SERPINE2: variants seen among roughly 807,000 people sequenced by gnomAD.
The protein encoded by SERPINE2 is serpin family E member 2.
Under a neutral mutation model 36.3 loss-of-function variants are expected in SERPINE2, and 14 were observed. The observed-to-expected ratio is 0.39, with a 90% CI of 0.25 to 0.60. The LOEUF (loss-of-function observed/expected upper bound fraction) is 0.60, where lower values mean the gene tolerates loss of function less well. SERPINE2 is among the 20% of genes least tolerant of loss of function. The probability of loss-of-function intolerance (pLI) is 0.57; values close to 1 mark genes in which losing one functional copy is unlikely to be tolerated. For missense variants in SERPINE2, 418 were observed against 499.6 expected (o/e 0.84, Z 1.56); for synonymous variants, 192 against 191.8 (o/e 1.00, Z -0.01).
At chr2:223,986,471 A>C (rs1446226708) in intron 4 of SERPINE2, among the ~76,000 whole-genome samples, 4 of 152,116 alleles carry the variant, frequency 2.6e-5, no homozygotes. Context: ...CTCAGCAGAA[A>C]CGGAAAAATC....
At chr2:223,976,462 T>A (rs911504635) in intron 8 of SERPINE2, among the ~76,000 whole-genome samples, 1 of 152,230 alleles carries the variant, frequency 6.6e-6, no homozygotes, top group Non-Finnish European at 1.5e-5. Flanking sequence ...AGAAATTGAA[T>A]TTTTAAAGTT....
intron 3 of SERPINE2, among the ~76,000 whole-genome samples, chr2:223,992,873 A>G (rs1466434143): frequency 6.6e-6 from 1 of 152,188 alleles, no homozygotes; most frequent in Non-Finnish European, 1.5e-5. Flanking sequence ...GCACTTTGGG[A>G]GGCCGAGGAG....
chr2:223,999,136 A>G (rs1691006917), intron 2 of SERPINE2, among the ~76,000 whole-genome samples: 1 of 152,220 alleles, frequency 6.6e-6, no homozygotes, highest in African/African-American at 2.4e-5. Flanking sequence ...TAAGCATTAG[A>G]AAGACTATAA....
Position 224,011,439 on chromosome 2 carries a change from C to A in SERPINE2, c.-22-9517G>T, listed in dbSNP as rs138754971. ...TAAACATGTCAATAAAATCCAAATT[C>A]TTTTTATCAGTACCTAGATACATTT... On this transcript the variant is annotated intron_variant, in intron 1 of 8. Coordinates refer to ENST00000409304, the MANE Select transcript of SERPINE2 (RefSeq NM_001136528.2). 5.6e-3 allele frequency among the ~76,000 whole-genome samples: 857 copies of A among 152,168 alleles called. 9 individuals carry two copies. Among genetic ancestry groups the A allele is most frequent in the African/African-American group, 0.019 (802 of 41,528 alleles).
intron 1 of SERPINE2, among the ~76,000 whole-genome samples, chr2:224,016,506 CAAAAA>C (rs34770432): frequency 1.4e-5 from 2 of 139,550 alleles, no homozygotes; most frequent in Admixed American, 7.1e-5. Flanking sequence ...AAGTCCGTCT[CAAAAA>C]AAAAAAAAAA....
At chr2:223,976,589 T>A (rs933820171) in intron 8 of SERPINE2, among the ~76,000 whole-genome samples, 3 of 152,268 alleles carry the variant, frequency 2.0e-5, no homozygotes, top group African/African-American at 7.2e-5. Flanking sequence ...TATCTCATAT[T>A]ACTGATTAAA....
rs1248930736 is a variant in SERPINE2 at position 224,031,467 on chromosome 2, TA to T, written c.-23+7631del. The T allele has an allele frequency of 3.0e-6, 3 of 985,444 alleles. No individual in the cohort carries two copies. In the African/African-American group the frequency reaches 5.2e-5, roughly 17 times the overall value. The allele number at this position is 985,444 out of a possible 1,614,324, so 61.0% of individuals were successfully genotyped here. On this transcript the variant is annotated intron_variant, in intron 1 of 8. Coordinates refer to ENST00000409304, the MANE Select transcript of SERPINE2 (RefSeq NM_001136528.2). The stretch of plus-strand genomic sequence containing the variant: ...CGGTCCTCTCCACTCCCTTTCCTCC[TA>T]ACCAAGGATTGACCATGTGATTTGG...
intron 1 of SERPINE2, among the ~76,000 whole-genome samples, chr2:224,022,714 G>A (rs2396037): frequency 0.94 from 143,763 of 152,174 alleles, 68,260 homozygotes; most frequent in Non-Finnish European, 0.99. Context: ...TATGACATGG[G>A]CCATTAACTT....
intron 2 of SERPINE2, among the ~76,000 whole-genome samples, chr2:223,999,197 A>G (rs1320800972): frequency 2.0e-5 from 3 of 152,326 alleles, no homozygotes; most frequent in East Asian, 3.9e-4. Flanking sequence ...ACTTGGTAAC[A>G]AGCTCAAAGA....
Position 223,991,963 on chromosome 2 carries a change from A to G in SERPINE2, c.525T>C (p.Asp175=), listed in dbSNP as rs1174520628. 10 of 1,613,886 alleles carry G rather than the reference A, an allele frequency of 6.2e-6. No individual in the cohort carries two copies. Among genetic ancestry groups the G allele is most frequent in the African/African-American group, 2.7e-5 (2 of 74,934 alleles). ...IDNLLSPDLI[D]GVLTRLVLVN... is the part of the protein sequence containing the mutation. ...CGAGGACCAGTCTGGTGAGCACACC[A>G]TCAATAAGATCTGGGGACAGCAGAT... The change falls in exon 4 of 9, where the codon GAT becomes GAC. Residue 175 remains aspartate (D), a synonymous_variant. Coordinates refer to ENST00000409304, the MANE Select transcript of SERPINE2 (RefSeq NM_001136528.2).
At chr2:224,037,131 C>T (rs1020128166) in intron 1 of SERPINE2, among the ~76,000 whole-genome samples, 4 of 152,184 alleles carry the variant, frequency 2.6e-5, no homozygotes, top group African/African-American at 9.7e-5. Context: ...CTCTATTTAC[C>T]ACCTATGAGT....
intron 5 of SERPINE2, 146 bp from the exon 6 acceptor site, chr2:223,982,927 T>A: frequency 1.7e-6 from 1 of 589,654 alleles, no homozygotes; most frequent in Non-Finnish European, 2.9e-6. Flanking sequence ...ATTCCAAATT[T>A]AAATACCAGA....
At chr2:224,031,822 G>A (rs910714647) in intron 1 of SERPINE2, among the ~76,000 whole-genome samples, 5 of 145,570 alleles carry the variant, frequency 3.4e-5, no homozygotes, top group Non-Finnish European at 5.9e-5. Flanking sequence ...GGAGGCTGTA[G>A]GGAGGTAAGC....
Position 223,979,882 on chromosome 2 carries a change from T to C in SERPINE2, c.1072+429A>G, listed in dbSNP as rs181402631. On this transcript the variant is annotated intron_variant, in intron 7 of 8. Coordinates refer to ENST00000409304, the MANE Select transcript of SERPINE2 (RefSeq NM_001136528.2). ...AGCAGGGGTCAGCAAACTATTTTCC[T>C]CAAGGCAAGTCTACCAGGACAAATC... 142 of 153,888 alleles carry C rather than the reference T, an allele frequency of 9.2e-4. 4 individuals carry two copies. In the Middle Eastern group the frequency reaches 0.044, roughly 48 times the overall value. The allele number at this position is 153,888 out of a possible 1,614,324, so 9.5% of individuals were successfully genotyped here.
At chr2:224,035,370 GT>G (rs1198422695) in intron 1 of SERPINE2, among the ~76,000 whole-genome samples, 1 of 70,946 alleles carries the variant, frequency 1.4e-5, no homozygotes, top group Non-Finnish European at 3.3e-5. Context: ...CCTATTCCAG[GT>G]TTTTTTTGTT....
intron 1 of SERPINE2, among the ~76,000 whole-genome samples, chr2:224,009,339 G>C (rs937188128): frequency 2.0e-5 from 3 of 152,106 alleles, no homozygotes; most frequent in African/African-American, 7.2e-5. Flanking sequence ...AAAAACAGCA[G>C]GTATGTTTTG....
intron 1 of SERPINE2, among the ~76,000 whole-genome samples, chr2:224,008,011 C>T (rs1340631294): frequency 2.6e-5 from 4 of 152,110 alleles, no homozygotes; most frequent in Non-Finnish European, 5.9e-5. Flanking sequence ...CAGAGGTGCC[C>T]GGCTGCAAGA....
intron 5 of SERPINE2, 99 bp downstream of exon 5, chr2:223,984,653 T>C (rs1051615116): frequency 9.1e-6 from 10 of 1,103,148 alleles, no homozygotes; most frequent in Non-Finnish European, 1.3e-5. Context: ...ACAGGCTTCA[T>C]GATGTGCCAT....
At chr2:223,993,767 C>T (rs1690771221) in intron 3 of SERPINE2, among the ~76,000 whole-genome samples, 1 of 152,178 alleles carries the variant, frequency 6.6e-6, no homozygotes, top group Non-Finnish European at 1.5e-5. Context: ...AAGTTTCCCA[C>T]AGCGTGCTGC....
Sources: gnomAD v4.1 joint callset for allele counts (sites outside exome capture counted in the v4.1 genomes callset) on GRCh38, gnomAD v4.1.1 for gene constraint, MANE v1.5 for transcripts, NCBI Gene and HGNC (gene_info 2026-07-23, HGNC 2026-07-21) for gene names.